Variants in EVC2 observed in about 807,000 individuals in gnomAD.
EVC2 encodes limbin.
In EVC2, 148 loss-of-function variants were observed where a neutral mutation model predicts 149.3. The observed-to-expected ratio is 0.99, with a 90% CI of 0.87 to 1.14. EVC2 has a LOEUF of 1.14. Ranked by LOEUF, EVC2 falls within the 50% of genes most tolerant of loss-of-function variation. EVC2 has a pLI of 0.00. For missense variants in EVC2, 1,854 were observed against 1,627.3 expected, an observed-to-expected ratio of 1.14 and a Z score of -2.40; for synonymous variants, 776 against 649.9, an observed-to-expected ratio of 1.19 and a Z score of -2.95.
At chr4:5,577,661 C>T (rs932256858) in intron 17 of EVC2, among the ~76,000 whole-genome samples, 2 of 152,118 alleles carry the variant, frequency 1.3e-5, no homozygotes, top group Admixed American at 6.5e-5. Context: ...GAAGAAAATC[C>T]GCCAGAGATA....
chr4:5,697,592 C>T lies in EVC2; in HGVS notation c.283+1G>A. On this transcript the variant is annotated splice_donor_variant, in intron 2 of 21. Transcript: ENST00000344408. LOFTEE classifies it high-confidence loss of function. ...GAACATCAACCAGAAGAAAAACTCA[C>T]CTGCAGTCTTAAAGTGACAGCATTC... is the stretch of plus-strand genomic sequence containing the variant. 4 of 1,614,140 alleles carry T rather than the reference C, an allele frequency of 2.5e-6. No individual in the cohort carries two copies. Among genetic ancestry groups the T allele is most frequent in the Non-Finnish European group, 3.4e-6 (4 of 1,179,994 alleles).
At position 5,622,641 on chromosome 4, in the gene EVC2, G is replaced by A. The variant is rs372782913; in HGVS notation, c.2397C>T (p.Asp799=). 17 of 1,613,952 alleles carry A rather than the reference G, an allele frequency of 1.1e-5. No homozygotes were observed. Among genetic ancestry groups the A allele is most frequent in the African/African-American group, 8.0e-5 (6 of 74,982 alleles). ...EQLEGEERDR[D]QEGVQSVRQR... ...GCCTCACGCTCTGGACACCCTCCTGGTCCCTGTCCCTCTCCTCCCCCTCCA... is the reference window on the plus strand; with the variant it reads ...GCCTCACGCTCTGGACACCCTCCTGATCCCTGTCCCTCTCCTCCCCCTCCA... Residue 799 remains aspartate (D), a synonymous_variant, in exon 14 of 22, where the codon GAC becomes GAT. Coordinates refer to ENST00000344408, the MANE Select transcript of EVC2 (RefSeq NM_147127.5). The surrounding 1 kb of genome is among the most constrained non-coding windows in gnomAD (Gnocchi z 5.8).
At chr4:5,589,209 A>G (rs914342320) in intron 16 of EVC2, among the ~76,000 whole-genome samples, 6 of 152,198 alleles carry the variant, frequency 3.9e-5, no homozygotes, top group Non-Finnish European at 7.3e-5. Context: ...AAGCTCTTTT[A>G]TGTGGGACTA....
chr4:5,685,369 C>A lies in EVC2; in HGVS notation c.816+1G>T, dbSNP rs1355905411. 1.9e-6 allele frequency: 3 copies of A among 1,614,056 alleles called. No homozygotes were observed. Among genetic ancestry groups the A allele is most frequent in the Non-Finnish European group, 2.5e-6 (3 of 1,179,902 alleles). On this transcript the variant is annotated splice_donor_variant, in intron 6 of 21. Transcript: ENST00000344408. LOFTEE classifies it high-confidence loss of function. ...AGAGATTAAAGTAACAAAGGTCATACCCGTGACGAGCTCTGAAAGGTGAGT... is the reference window on the plus strand; with the variant it reads ...AGAGATTAAAGTAACAAAGGTCATAACCGTGACGAGCTCTGAAAGGTGAGT...
chr4:5,587,320 T>C (rs1310151796), intron 16 of EVC2, among the ~76,000 whole-genome samples: 1 of 152,222 alleles, frequency 6.6e-6, no homozygotes, highest in East Asian at 1.9e-4. Context: ...GTTTCTATGA[T>C]TTTCCTTATT....
rs572174486 is a variant in EVC2, at chr4:5,639,366, C to T, written c.1470+1148G>A. ...GAAATCAGGTTTGATTTGGTATATT[C>T]AGGAAAAACTCTAGTTCTTTCAAGG... On this transcript the variant is annotated intron_variant, in intron 10 of 21. Transcript: ENST00000344408. 3.3e-5 allele frequency among the ~76,000 whole-genome samples: 5 copies of T among 152,320 alleles called. No individual in the cohort carries two copies. In the East Asian group the frequency reaches 9.6e-4, roughly 29 times the overall value.
chr4:5,593,322 G>T (rs985432150), intron 16 of EVC2, among the ~76,000 whole-genome samples: 3 of 152,104 alleles, frequency 2.0e-5, no homozygotes, highest in Non-Finnish European at 4.4e-5. Flanking sequence ...TCTTTCAAGT[G>T]TGCGTTACTT....
chr4:5,544,052 G>T (rs1307531066), intron 21 of EVC2, among the ~76,000 whole-genome samples: 1 of 152,118 alleles, frequency 6.6e-6, no homozygotes, highest in Admixed American at 6.5e-5. Flanking sequence ...TCACGCGGTG[G>T]AACTGGGCAC....
intron 10 of EVC2, among the ~76,000 whole-genome samples, chr4:5,639,535 T>C (rs77868659): frequency 0.016 from 2,457 of 152,258 alleles, 62 homozygotes; most frequent in African/African-American, 0.055. Context: ...GGCAGCTGCT[T>C]TTCCTACATT....
chr4:5,640,753 G>A lies in EVC2; in HGVS notation c.1231C>T (p.Leu411=), dbSNP rs1274189371. 6.2e-7 allele frequency: 1 copy of A among 1,614,132 alleles called. No individual in the cohort carries two copies. The highest frequency in any genetic ancestry group is 8.5e-7 in the Non-Finnish European group (1 of 1,180,028). The part of the protein sequence containing the change: ...QISKDIIALL[L]KNLTSSGHLS... ...TGGCCACTGCTGGTGAGATTTTTCA[G>A]CAGAAGGGCAATGATATCCTTGCTG... The change falls in exon 10 of 22, where the codon CTG becomes TTG. Residue 411 remains leucine (L), a synonymous_variant. Coordinates refer to ENST00000344408, the MANE Select transcript of EVC2 (RefSeq NM_147127.5). This position sits in a 1 kb window ranked among gnomAD's most constrained non-coding sequence, Gnocchi z 4.6.
chr4:5,624,989 G>A (rs567201463), intron 13 of EVC2, among the ~76,000 whole-genome samples: 11 of 152,000 alleles, frequency 7.2e-5, no homozygotes, highest in East Asian at 3.9e-4. Flanking sequence ...GCATCCGCTC[G>A]CACCCGGCCA....
In EVC2 at chr4:5,612,838, C is replaced by T. The variant is rs1451786040; in HGVS notation, c.2829+2584G>A. Among the ~76,000 whole-genome samples, 20 of 136,956 alleles carry T rather than the reference C, an allele frequency of 1.5e-4. No individual in the cohort carries two copies. In the Admixed American group the frequency reaches 1.7e-3, roughly 11 times the overall value. The allele number at this position is 136,956 out of a possible 152,430, so 89.8% of individuals were successfully genotyped here. Reference sequence around the variant, plus strand: ...TTGGGAGGCTGAGGCAGGAGAATGGCGTGAACCCGGGAGGCAGAGCTTGCA... The same window carrying T: ...TTGGGAGGCTGAGGCAGGAGAATGGTGTGAACCCGGGAGGCAGAGCTTGCA... On this transcript the variant is annotated intron_variant, in intron 16 of 21. Coordinates refer to ENST00000344408, the MANE Select transcript of EVC2 (RefSeq NM_147127.5).
chr4:5,603,007 G>A (rs966164185), intron 16 of EVC2, among the ~76,000 whole-genome samples: 4 of 152,184 alleles, frequency 2.6e-5, no homozygotes, highest in African/African-American at 9.7e-5. Context: ...CAGAAGCCTT[G>A]TAGAATTATT....
At chr4:5,571,078 G>A (rs1389264692) in intron 19 of EVC2, among the ~76,000 whole-genome samples, 2 of 152,076 alleles carry the variant, frequency 1.3e-5, no homozygotes, top group African/African-American at 2.4e-5. Flanking sequence ...CACTTTGGGA[G>A]GCTGAGGCGG....
rs74961139 is a variant in EVC2 at position 5,675,068 on chromosome 4, G to A, written c.870+6192C>T. 6.9e-3 allele frequency among the ~76,000 whole-genome samples: 1,050 copies of A among 152,276 alleles called. 19 individuals carry two copies. Among genetic ancestry groups the A allele is most frequent in the African/African-American group, 0.022 (932 of 41,544 alleles). The stretch of plus-strand genomic sequence containing the variant: ...GCTTCAAGGGCACCTCCTAAGCCTC[G>A]TCTTTGGGAAATTCTCACATCATAG... On this transcript the variant is annotated intron_variant, in intron 7 of 21. Transcript: ENST00000344408.
chr4:5,543,004 A>C, intron 22 of EVC2: 1 of 535,138 alleles, frequency 1.9e-6, no homozygotes, highest in South Asian at 1.8e-5. Context: ...CACACTGTTA[A>C]GTGATGCGGG....
chr4:5,673,962 A>G lies in EVC2; in HGVS notation c.870+7298T>C, dbSNP rs554684245. ...GAGGACATTTCTTCAAAATGCCCAC[A>G]GTGGCCTTATATTAAATCCCACCCA... is the stretch of plus-strand genomic sequence containing the variant. On this transcript the variant is annotated intron_variant, in intron 7 of 21. Transcript: ENST00000344408. Among the ~76,000 whole-genome samples, 6 of 152,376 alleles carry G rather than the reference A, an allele frequency of 3.9e-5. No individual in the cohort carries two copies. The East Asian group carries it at 1.2e-3, about 29-fold the overall frequency.
intron 18 of EVC2, among the ~76,000 whole-genome samples, chr4:5,575,114 CTGGGGTCTA>C (rs1722845185): frequency 6.6e-6 from 1 of 152,200 alleles, no homozygotes; most frequent in African/African-American, 2.4e-5. Flanking sequence ...AGACCAAGAT[CTGGGGTCTA>C]CACCCACCAT....
rs148018699 is a variant in EVC2 at position 5,665,582 on chromosome 4, G to C, written c.938C>G (p.Thr313Ser). Residue 313 changes from threonine to serine, a missense_variant, in exon 8 of 22, where the codon ACC (threonine) becomes AGC (serine). Physicochemically the swap from Thr to Ser is moderately conservative, Grantham distance 58. Coordinates refer to ENST00000344408, the MANE Select transcript of EVC2 (RefSeq NM_147127.5). ...AACCATGAGGAAGAGGGCAGCCCAG[G>C]TCAGCACAAGGGAGAGGAGGAAGGC... Reference protein sequence around the residue: ...FIAFLLSLVLTWAALFLMVRY... With the variant: ...FIAFLLSLVLSWAALFLMVRY... 5.6e-6 allele frequency: 9 copies of C among 1,614,222 alleles called. No individual in the cohort carries two copies. The African/African-American group carries it at 1.1e-4, about 19-fold the overall frequency.
Sources: allele counts gnomAD v4.1 joint callset (sites outside exome capture counted in the v4.1 genomes callset), GRCh38; gene constraint gnomAD v4.1.1; non-coding constraint Gnocchi (gnomAD v3.1); transcripts MANE v1.5; gene names NCBI Gene and HGNC (gene_info 2026-07-23, HGNC 2026-07-21).